SHANK2: variants seen among roughly 807,000 people sequenced by gnomAD.
SHANK2 encodes SH3 and multiple ankyrin repeat domains protein 2.
SHANK2 carries 43 observed loss-of-function variants against 133.7 expected under a neutral mutation model. That is an observed-to-expected ratio of 0.32 (90% CI 0.25 to 0.41). SHANK2 has a LOEUF of 0.41. Ranked by LOEUF, SHANK2 falls within the 10% of genes least tolerant of loss-of-function variation. The pLI is 1.00. For missense variants in SHANK2, 1,994 were observed against 2,235.8 expected, an observed-to-expected ratio of 0.89 and a Z score of 2.18; for synonymous variants, 1,017 against 952.8, an observed-to-expected ratio of 1.07 and a Z score of -1.24.
At chr11:70,598,049 C>G (rs1237624787) in intron 17 of SHANK2, among the ~76,000 whole-genome samples, 1 of 152,256 alleles carries the variant, frequency 6.6e-6, no homozygotes, top group Non-Finnish European at 1.5e-5. Context: ...ATGCTGTCCG[C>G]TAACTGCCCC....
intron 14 of SHANK2, among the ~76,000 whole-genome samples, chr11:70,764,915 G>A (rs1420944541): frequency 1.3e-5 from 2 of 152,224 alleles, no homozygotes; most frequent in Admixed American, 6.5e-5. Flanking sequence ...TGCAGGGCAG[G>A]CACTGATGAA....
At chr11:71,186,227 G>A (rs1953668620) in intron 2 of SHANK2, among the ~76,000 whole-genome samples, 1 of 152,192 alleles carries the variant, frequency 6.6e-6, no homozygotes, top group East Asian at 1.9e-4. Context: ...CACGTCCCAG[G>A]CAAAACACAA....
intron 15 of SHANK2, among the ~76,000 whole-genome samples, chr11:70,680,789 G>T (rs1945013589): frequency 6.6e-6 from 1 of 152,296 alleles, no homozygotes; most frequent in African/African-American, 2.4e-5. Context: ...TGGAGTGGGG[G>T]TGTTTTCAAC....
intron 14 of SHANK2, among the ~76,000 whole-genome samples, chr11:70,710,462 G>A (rs1369718532): frequency 1.3e-5 from 2 of 152,230 alleles, no homozygotes; most frequent in African/African-American, 4.8e-5. Context: ...CGGAGCATAT[G>A]AGGCCGGCGA....
chr11:71,198,887 T>A (rs1006590603), intron 2 of SHANK2, among the ~76,000 whole-genome samples: 4 of 152,226 alleles, frequency 2.6e-5, no homozygotes, highest in Admixed American at 2.0e-4. Flanking sequence ...GGCAGTCTCC[T>A]TAGACTGCAG....
At chr11:70,504,937 T>C (rs1418741865) in intron 17 of SHANK2, among the ~76,000 whole-genome samples, 1 of 152,074 alleles carries the variant, frequency 6.6e-6, no homozygotes, top group Non-Finnish European at 1.5e-5. Flanking sequence ...CATTCATTCA[T>C]TCACTCATTC....
intron 17 of SHANK2, among the ~76,000 whole-genome samples, chr11:70,558,119 CCAAGGAGGCCTG>C (rs1336231811): frequency 2.0e-5 from 3 of 152,108 alleles, no homozygotes; most frequent in Non-Finnish European, 4.4e-5. Flanking sequence ...CAGCTGCCCA[CCAAGGAGGCCTG>C]GGTCTTTCTG....
At chr11:70,828,798 G>A (rs1590734115) in intron 11 of SHANK2, among the ~76,000 whole-genome samples, 3 of 152,222 alleles carry the variant, frequency 2.0e-5, no homozygotes, top group Admixed American at 6.5e-5. Flanking sequence ...GCTCAGCCAC[G>A]TGAGCCCAGA....
intron 17 of SHANK2, among the ~76,000 whole-genome samples, chr11:70,514,648 T>C (rs1438679660): frequency 6.6e-6 from 1 of 152,228 alleles, no homozygotes; most frequent in Non-Finnish European, 1.5e-5. Flanking sequence ...AGTGTACAAT[T>C]TGAACTCTAA....
At chr11:71,132,201 A>C (rs1555103817) in intron 3 of SHANK2, among the ~76,000 whole-genome samples, 1 of 152,204 alleles carries the variant, frequency 6.6e-6, no homozygotes, top group African/African-American at 2.4e-5. Context: ...GCGGGGAGGC[A>C]GAGTCGGAGC....
rs111963565 is a variant in SHANK2 at position 70,863,475 on chromosome 11, G to A, written c.1174+33026C>T. On this transcript the variant is annotated intron_variant, in intron 11 of 25. Coordinates refer to ENST00000601538, the MANE Select transcript of SHANK2 (RefSeq NM_012309.5). ...GCCACGGCTATGTGGTGGAAGACAC[G>A]GATTCTGTGGGGGGTTTTCCTTATC... 1.4e-3 allele frequency: 627 copies of A among 457,822 alleles called. 1 individual carries two copies. The highest frequency in any genetic ancestry group is 0.011 in the African/African-American group (545 of 50,162). 28.4% of individuals were successfully genotyped at this position (457,822 alleles called of 1,614,324 possible).
intron 2 of SHANK2, among the ~76,000 whole-genome samples, chr11:71,199,469 T>C (rs1411242613): frequency 6.6e-6 from 1 of 152,154 alleles, no homozygotes; most frequent in African/African-American, 2.4e-5. Context: ...TCAGTCAAAA[T>C]GAAGGTTGCA....
chr11:71,171,934 G>A (rs1350422548), intron 2 of SHANK2, among the ~76,000 whole-genome samples: 1 of 22,518 alleles, frequency 4.4e-5, no homozygotes, highest in Non-Finnish European at 4.5e-4. Context: ...ACACAATCTA[G>A]TCCACACGCC....
At chr11:71,201,340 A>C (rs1191604657) in intron 2 of SHANK2, among the ~76,000 whole-genome samples, 1 of 152,240 alleles carries the variant, frequency 6.6e-6, no homozygotes, top group East Asian at 1.9e-4. Flanking sequence ...TCCCGAGGAC[A>C]AGCACGTCTT....
chr11:70,890,964 T>A (rs1490225626), intron 11 of SHANK2, among the ~76,000 whole-genome samples: 54 of 144,100 alleles, frequency 3.7e-4, no homozygotes, highest in Admixed American at 3.7e-3. Flanking sequence ...AGACTCCGCC[T>A]CAAAAAAAAA....
chr11:70,758,577 G>C (rs1555039490), intron 14 of SHANK2, among the ~76,000 whole-genome samples: 1 of 152,218 alleles, frequency 6.6e-6, no homozygotes, highest in African/African-American at 2.4e-5. Flanking sequence ...CTTGGAATCT[G>C]TGAGGCCAAG....
intron 15 of SHANK2, among the ~76,000 whole-genome samples, chr11:70,673,983 A>G (rs1944862382): frequency 6.6e-6 from 1 of 152,066 alleles, no homozygotes; most frequent in South Asian, 2.1e-4. Context: ...GCCTGGTGGG[A>G]GCTGTTTGGG....
intron 17 of SHANK2, among the ~76,000 whole-genome samples, chr11:70,537,593 C>G (rs953394458): frequency 6.6e-6 from 1 of 152,182 alleles, no homozygotes; most frequent in African/African-American, 2.4e-5. Context: ...TGGCTGCAGC[C>G]CTGTGAGGCT....
intron 15 of SHANK2, among the ~76,000 whole-genome samples, chr11:70,685,965 G>A (rs1414585845): frequency 6.6e-6 from 1 of 150,542 alleles, no homozygotes; most frequent in African/African-American, 2.4e-5. Flanking sequence ...GCATCCATGG[G>A]TCCACCCATG....
Sources: allele counts gnomAD v4.1 joint callset (sites outside exome capture counted in the v4.1 genomes callset), GRCh38; gene constraint gnomAD v4.1.1; transcripts MANE v1.5; gene names NCBI Gene and HGNC (gene_info 2026-07-23, HGNC 2026-07-21).